Variants in TAPBPL observed in about 807,000 individuals in gnomAD.
TAPBPL encodes TAP binding protein like.
A neutral mutation model predicts 44.8 loss-of-function variants in TAPBPL; 32 were observed. The ratio of observed to expected loss-of-function variants is 0.71; its 90% CI spans 0.54 to 0.96. TAPBPL has a LOEUF of 0.96. Ranked by LOEUF, TAPBPL falls within the 40% of genes least tolerant of loss-of-function variation. The pLI is 0.00. For synonymous variants in TAPBPL, 230 were observed against 240.7 expected, an observed-to-expected ratio of 0.96 and a Z score of 0.41; for missense variants, 520 against 586.6, an observed-to-expected ratio of 0.89 and a Z score of 1.17.
At chr12:6,456,828 T>G (rs964260242) in intron 3 of TAPBPL, among the ~76,000 whole-genome samples, 2 of 151,958 alleles carry the variant, frequency 1.3e-5, no homozygotes, top group Non-Finnish European at 2.9e-5. Flanking sequence ...AATTTTTGTG[T>G]TTTTAGTAGA....
chr12:6,467,538 T>C (rs921243591), downstream of TAPBPL, among the ~76,000 whole-genome samples: 2 of 152,176 alleles, frequency 1.3e-5, no homozygotes, highest in Non-Finnish European at 2.9e-5. Context: ...ATTTAGGGTA[T>C]CTGGCAGAAG....
intron 4 of TAPBPL, 72 bp downstream of exon 4, chr12:6,457,816 C>A: frequency 7.0e-7 from 1 of 1,418,880 alleles, no homozygotes; most frequent in Non-Finnish European, 9.4e-7. Context: ...CAGATTGGGA[C>A]CCAAATGCAA....
At chr12:6,463,383 C>T (rs2534712), downstream of TAPBPL, 756,651 of 1,071,928 alleles carry the variant, frequency 0.71, 268,199 homozygotes, top group East Asian at 0.78. The surrounding 1 kb of genome is among the most constrained non-coding windows in gnomAD (Gnocchi z 4.0). Context: ...CGGCCGGGCC[C>T]CAGGAAGAAC....
intron 3 of TAPBPL, 59 bp from the exon 4 acceptor site, chr12:6,457,347 G>C (rs1055643412): frequency 2.0e-6 from 3 of 1,531,216 alleles, no homozygotes; most frequent in Non-Finnish European, 2.7e-6. Context: ...ACAGCTTGGA[G>C]ATCAGGTGAC....
At chr12:6,454,324 C>T (rs552546933) in intron 3 of TAPBPL, among the ~76,000 whole-genome samples, 1 of 152,152 alleles carries the variant, frequency 6.6e-6, no homozygotes, top group Admixed American at 6.5e-5. Context: ...AGAAATTAGC[C>T]GGGCATGATG....
downstream of TAPBPL, among the ~76,000 whole-genome samples, chr12:6,465,548 G>C (rs567523204): frequency 9.9e-5 from 15 of 151,076 alleles, no homozygotes; most frequent in East Asian, 2.7e-3. Flanking sequence ...GGATGAGACA[G>C]GTGAAATTTT....
At chr12:6,452,919 C>CA (rs1279505031) in intron 1 of TAPBPL, 148 bp from the exon 2 acceptor site, 1 of 843,312 alleles carries the variant, frequency 1.2e-6, no homozygotes, top group East Asian at 2.7e-5. Flanking sequence ...TTGGGGATGA[C>CA]GGGAGAATAG....
chr12:6,463,763 TG>T (rs1414185826), downstream of TAPBPL: 1 of 1,173,926 alleles, frequency 8.5e-7, no homozygotes, highest in African/African-American at 1.6e-5. This position sits in a 1 kb window ranked among gnomAD's most constrained non-coding sequence, Gnocchi z 4.0. Context: ...TAGAAGCACA[TG>T]GGACTGCTTC....
At chr12:6,465,693 G>C (rs569818755), downstream of TAPBPL, 1 of 1,137,640 alleles carries the variant, frequency 8.8e-7, no homozygotes. Context: ...GCAATCTCAA[G>C]AGGAGGCTTT....
At position 6,460,858 on chromosome 12, in the gene TAPBPL, G is replaced by C; in HGVS notation, c.1211G>C (p.Arg404Pro). The C allele has an allele frequency of 6.2e-7, 1 of 1,614,104 alleles. No homozygotes were observed. Among genetic ancestry groups the C allele is most frequent in the South Asian group, 1.1e-5 (1 of 91,078 alleles). The change falls in exon 6 of 7, where the codon CGG (arginine) becomes CCG (proline). Residue 404 changes from arginine to proline, a missense_variant. Coordinates refer to ENST00000266556, the MANE Select transcript of TAPBPL (RefSeq NM_018009.5). ...GASTQVVPPE[R>P]RTALGVIFAS... is the part of the protein sequence containing the mutation. ...CCCACGTTGCTCTCACCTACAGAGC[G>C]GAGAACAGCCTTGGGAGTCATCTTT...
intron 4 of TAPBPL, among the ~76,000 whole-genome samples, chr12:6,458,116 G>A (rs1245596977): frequency 2.6e-5 from 4 of 152,174 alleles, no homozygotes; most frequent in South Asian, 2.1e-4. Flanking sequence ...GGCCGGGCGC[G>A]GTGGCTCACA....
At chr12:6,456,389 A>C (rs1592133017) in intron 3 of TAPBPL, among the ~76,000 whole-genome samples, 2 of 118,878 alleles carry the variant, frequency 1.7e-5, no homozygotes, top group African/African-American at 6.6e-5. Context: ...TTCGATATGG[A>C]GTTTTACTCT....
At chr12:6,452,991 T>C in intron 1 of TAPBPL, 76 bp from the exon 2 acceptor site, 1 of 1,434,890 alleles carries the variant, frequency 7.0e-7, no homozygotes, top group Admixed American at 2.0e-5. Context: ...ACTCCACAGC[T>C]TGAGGGCGGG....
chr12:6,464,322 G>T (rs114253457), downstream of TAPBPL: 317 of 1,548,250 alleles, frequency 2.0e-4, no homozygotes, highest in African/African-American at 3.7e-3. Flanking sequence ...GAGTGCAAAT[G>T]AACGCAACGA....
chr12:6,457,672 G>A lies in TAPBPL; in HGVS notation c.832G>A (p.Glu278Lys), dbSNP rs374216855. 8.7e-6 allele frequency: 14 copies of A among 1,613,732 alleles called. No individual in the cohort carries two copies. Among genetic ancestry groups the A allele is most frequent in the East Asian group, 4.5e-5 (2 of 44,874 alleles). Reference sequence around the variant, plus strand: ...CCTGCCCGGCCTCACTATACAGGACGAGGGGACCTACATTTGCCAGATCAC... The same window carrying A: ...CCTGCCCGGCCTCACTATACAGGACAAGGGGACCTACATTTGCCAGATCAC... ...LTLPGLTIQDEGTYICQITTS... is the reference protein window; with the variant it reads ...LTLPGLTIQDKGTYICQITTS... The change falls in exon 4 of 7, where the codon GAG becomes AAG. Residue 278 changes from glutamate (E) to lysine (K), a missense_variant. Glu to Lys is a moderately conservative substitution (Grantham distance 56, BLOSUM62 1). Transcript: ENST00000266556.
intron 6 of TAPBPL, 80 bp from the exon 7 acceptor site, chr12:6,461,954 G>A (rs2136996791): frequency 8.6e-7 from 1 of 1,160,542 alleles, no homozygotes. Flanking sequence ...GAGGCAGATG[G>A]AAGAGGCCTG....
Position 6,460,853 on chromosome 12 carries a change from A to C in TAPBPL, c.1208-2A>C, listed in dbSNP as rs199748526. On this transcript the variant is annotated splice_acceptor_variant, in intron 5 of 6. Coordinates refer to ENST00000266556, the MANE Select transcript of TAPBPL (RefSeq NM_018009.5). LOFTEE classifies it high-confidence loss of function. ...CCCCGCCCACGTTGCTCTCACCTAC[A>C]GAGCGGAGAACAGCCTTGGGAGTCA... The C allele has an allele frequency of 6.2e-7, 1 of 1,614,036 alleles. No homozygotes were observed. Among genetic ancestry groups the C allele is most frequent in the East Asian group, 2.2e-5 (1 of 44,874 alleles).
chr12:6,467,496 A>T (rs1052598067), downstream of TAPBPL, among the ~76,000 whole-genome samples: 1 of 152,194 alleles, frequency 6.6e-6, no homozygotes, highest in Non-Finnish European at 1.5e-5. Context: ...CCTGCCCTAG[A>T]AATTTGTGGA....
downstream of TAPBPL, chr12:6,466,477 G>T: frequency 9.6e-7 from 1 of 1,043,360 alleles, no homozygotes; most frequent in Non-Finnish European, 1.3e-6. Context: ...GAGCCCAGGA[G>T]TTCGAGGCCA....
Sources: gnomAD v4.1 joint callset for allele counts (sites outside exome capture counted in the v4.1 genomes callset) on GRCh38, gnomAD v4.1.1 for gene constraint, Gnocchi (gnomAD v3.1) non-coding constraint, MANE v1.5 for transcripts, NCBI Gene and HGNC (gene_info 2026-07-23, HGNC 2026-07-21) for gene names.